Variants in DYTN observed in about 807,000 individuals in gnomAD.
DYTN encodes dystrotelin.
DYTN carries 75 observed loss-of-function variants against 69.6 expected under a neutral mutation model. That is an observed-to-expected ratio of 1.08 (90% confidence interval 0.89 to 1.31). The LOEUF is 1.31. Ranked by LOEUF, DYTN falls within the 50% of genes most tolerant of loss-of-function variation. DYTN has a pLI of 0.00. For synonymous variants in DYTN, 252 were observed against 249.1 expected (o/e 1.01, Z -0.11); for missense variants, 726 against 688.4 (o/e 1.05, Z -0.61).
chr2:206,685,678 G>A (rs1699798121), intron 9 of DYTN, among the ~76,000 whole-genome samples: 1 of 152,090 alleles, frequency 6.6e-6, no homozygotes, highest in Non-Finnish European at 1.5e-5. Context: ...CATTTTCCTG[G>A]CACCACCCTG....
chr2:206,667,599 C>T (rs767963307), intron 9 of DYTN, among the ~76,000 whole-genome samples: 27 of 152,120 alleles, frequency 1.8e-4, no homozygotes, highest in Non-Finnish European at 2.2e-4. Context: ...TACACTGTGA[C>T]AGACTATGGG....
rs545343311 is a variant in DYTN, at chr2:206,714,273, C to A, written c.20-3675G>T. On this transcript the variant is annotated intron_variant, in intron 1 of 11. Coordinates refer to ENST00000452335, the MANE Select transcript of DYTN (RefSeq NM_001093730.1). Reference sequence around the variant, plus strand: ...CCAGGCTGGAGTGCAGTGGCGCAATCTCGGCTCACTGCTCCACCTCCCGGG... The same window carrying A: ...CCAGGCTGGAGTGCAGTGGCGCAATATCGGCTCACTGCTCCACCTCCCGGG... 5.9e-5 allele frequency among the ~76,000 whole-genome samples: 9 copies of A among 152,320 alleles called. No individual in the cohort carries two copies. The South Asian group carries it at 1.5e-3, about 25-fold the overall frequency.
chr2:206,652,405 C>T (rs1036670108), intron 11 of DYTN, among the ~76,000 whole-genome samples: 1 of 152,026 alleles, frequency 6.6e-6, no homozygotes, highest in African/African-American at 2.4e-5. Context: ...TTGAGTGTCC[C>T]CTATGATCTG....
intron 9 of DYTN, among the ~76,000 whole-genome samples, chr2:206,688,388 T>G (rs1056204525): frequency 6.6e-6 from 1 of 152,128 alleles, no homozygotes; most frequent in Non-Finnish European, 1.5e-5. Context: ...TTCAGTACCG[T>G]GCTTTGGGGC....
chr2:206,708,777 T>G (rs1700050766), intron 2 of DYTN, among the ~76,000 whole-genome samples: 1 of 152,266 alleles, frequency 6.6e-6, no homozygotes. Context: ...TTTTTAAATT[T>G]TTGTTTGGAT....
intron 10 of DYTN, among the ~76,000 whole-genome samples, chr2:206,665,507 A>G (rs1188294527): frequency 6.6e-6 from 1 of 151,270 alleles, no homozygotes; most frequent in Non-Finnish European, 1.5e-5. Context: ...TATATCTATA[A>G]CAACAGATAT....
intron 11 of DYTN, among the ~76,000 whole-genome samples, chr2:206,662,544 A>G (rs982164317): frequency 2.0e-5 from 3 of 152,046 alleles, no homozygotes; most frequent in African/African-American, 7.2e-5. Context: ...GAGAGTTACA[A>G]TATTATCACC....
intron 5 of DYTN, among the ~76,000 whole-genome samples, chr2:206,703,554 T>G (rs1342809720): frequency 6.6e-6 from 1 of 152,184 alleles, no homozygotes; most frequent in Non-Finnish European, 1.5e-5. Flanking sequence ...AATATATAAA[T>G]GATGTTTGGA....
At chr2:206,700,584 G>A (rs1362779134) in intron 5 of DYTN, among the ~76,000 whole-genome samples, 1 of 148,124 alleles carries the variant, frequency 6.8e-6, no homozygotes, top group Non-Finnish European at 1.5e-5. Context: ...AAAGTTTAGA[G>A]TTTTAAAATA....
intron 11 of DYTN, among the ~76,000 whole-genome samples, chr2:206,655,931 T>C (rs1244416596): frequency 6.6e-6 from 1 of 152,214 alleles, no homozygotes; most frequent in Non-Finnish European, 1.5e-5. Context: ...AAATGTTCCA[T>C]GTTTGCTGGA....
chr2:206,700,290 A>G, intron 5 of DYTN, 74 bp from the exon 6 acceptor site: 1 of 1,527,868 alleles, frequency 6.5e-7, no homozygotes, highest in Non-Finnish European at 9.1e-7. Context: ...CAGGGCTGAG[A>G]GCTGGTGCCC....
intron 9 of DYTN, 134 bp downstream of exon 9, chr2:206,693,041 G>T (rs1699881061): frequency 1.6e-6 from 2 of 1,287,982 alleles, no homozygotes; most frequent in Admixed American, 3.2e-5. Flanking sequence ...AAAAATATCT[G>T]AAGTCCAACC....
Position 206,663,135 on chromosome 2 carries a change from G to C in DYTN, c.1401C>G (p.Ser467Arg). 6.2e-7 allele frequency: 1 copy of C among 1,613,840 alleles called. No individual in the cohort carries two copies. Among genetic ancestry groups the C allele is most frequent in the South Asian group, 1.1e-5 (1 of 91,064 alleles). ...ETTLHSTRAQ[S>R]QTQKMPQKVI... ...CTTTCTGTGGCATCTTTTGTGTTTG[G>C]CTTTGTGCCCTGGTGCTGTGCAAAG... The change falls in exon 11 of 12, where the codon AGC (serine) becomes AGG (arginine). Residue 467 changes from serine (S) to arginine (R), a missense_variant. Transcript: ENST00000452335.
chr2:206,676,049 A>G (rs1328313382), intron 9 of DYTN, among the ~76,000 whole-genome samples: 1 of 152,190 alleles, frequency 6.6e-6, no homozygotes, highest in African/African-American at 2.4e-5. Context: ...AACCAGAAAT[A>G]TCATTTGACC....
chr2:206,688,260 C>T (rs1159666690), intron 9 of DYTN, among the ~76,000 whole-genome samples: 3 of 152,084 alleles, frequency 2.0e-5, no homozygotes, highest in Non-Finnish European at 4.4e-5. Context: ...GATTCATTAG[C>T]ATTAAACTCA....
chr2:206,660,858 T>A (rs559850497), intron 11 of DYTN, among the ~76,000 whole-genome samples: 1 of 152,318 alleles, frequency 6.6e-6, no homozygotes, highest in South Asian at 2.1e-4. Flanking sequence ...GCTGACATTA[T>A]TATGTACTCG....
chr2:206,682,181 A>G (rs1699757185), intron 9 of DYTN, among the ~76,000 whole-genome samples: 2 of 152,222 alleles, frequency 1.3e-5, no homozygotes, highest in South Asian at 4.1e-4. Context: ...TGTTTACAGT[A>G]TTCTCTGATG....
chr2:206,677,699 A>C (rs1007237348), intron 9 of DYTN, among the ~76,000 whole-genome samples: 2 of 152,160 alleles, frequency 1.3e-5, no homozygotes, highest in Non-Finnish European at 2.9e-5. Context: ...AGAGACTGAT[A>C]ATGTTTTTAG....
chr2:206,685,984 C>T (rs186024724), intron 9 of DYTN, among the ~76,000 whole-genome samples: 4 of 108,886 alleles, frequency 3.7e-5, no homozygotes, highest in Admixed American at 3.5e-4. Flanking sequence ...AAATAGAGTG[C>T]GGAAAAAAAA....
Sources: allele counts gnomAD v4.1 joint callset (sites outside exome capture counted in the v4.1 genomes callset), GRCh38; gene constraint gnomAD v4.1.1; transcripts MANE v1.5; gene names NCBI Gene and HGNC (gene_info 2026-07-23, HGNC 2026-07-21).